Variants in OPCML observed in about 807,000 individuals in gnomAD.
The protein encoded by OPCML is opioid binding protein/cell adhesion molecule like.
Under a neutral mutation model 37.8 loss-of-function variants are expected in OPCML, and 13 were observed. That is an observed-to-expected ratio of 0.34 (90% CI 0.22 to 0.55). The LOEUF is 0.55. Among genes scored for constraint, OPCML ranks in the 20% least tolerant of loss-of-function variants. The probability of loss-of-function intolerance (pLI) is 0.91; values close to 1 mark genes in which losing one functional copy is unlikely to be tolerated. For synonymous variants in OPCML, 176 were observed against 168.8 expected (o/e 1.04, Z -0.33); for missense variants, 341 against 435.6 (o/e 0.78, Z 1.93).
intron 1 of OPCML, among the ~76,000 whole-genome samples, chr11:133,060,517 A>G (rs889982837): frequency 2.6e-5 from 4 of 152,190 alleles, no homozygotes; most frequent in Admixed American, 6.5e-5. Context: ...CTCAGGACAA[A>G]GTCACCCCTA....
In OPCML at chr11:132,879,424, CTG is replaced by C. The variant is rs776554229; in HGVS notation, c.146+63500_146+63501del. On this transcript the variant is annotated intron_variant, in intron 2 of 7. Coordinates refer to ENST00000524381, the MANE Select transcript of OPCML (RefSeq NM_001012393.5). Reference sequence around the variant, plus strand: ...GGTAGTCAAAGAGTTATGAAAGTTTCTGTGTGTTTCAAAAATAAGATGAGGTG... The same window carrying C: ...GGTAGTCAAAGAGTTATGAAAGTTTCTGTGTTTCAAAAATAAGATGAGGTG... Among the ~76,000 whole-genome samples, 3 of 152,240 alleles carry C rather than the reference CTG, an allele frequency of 2.0e-5. No individual in the cohort carries two copies. The East Asian group carries it at 5.8e-4, about 29-fold the overall frequency.
intron 1 of OPCML, among the ~76,000 whole-genome samples, chr11:133,239,469 GA>G (rs1247878164): frequency 6.6e-6 from 1 of 152,342 alleles, no homozygotes; most frequent in African/African-American, 2.4e-5. Context: ...TGCAAAAATA[GA>G]AAGGGGCCTT....
At chr11:132,771,033 G>A (rs1407143877) in intron 2 of OPCML, among the ~76,000 whole-genome samples, 6 of 152,118 alleles carry the variant, frequency 3.9e-5, no homozygotes, top group African/African-American at 1.2e-4. Flanking sequence ...AGTCCTGATC[G>A]CAGGGTAGTT....
intron 2 of OPCML, among the ~76,000 whole-genome samples, chr11:132,814,224 T>C (rs1939504522): frequency 6.6e-6 from 1 of 152,198 alleles, no homozygotes; most frequent in South Asian, 2.1e-4. Flanking sequence ...TTGTCTGCTG[T>C]TTCAGTCAAG....
At chr11:133,112,311 G>A (rs476369) in intron 1 of OPCML, among the ~76,000 whole-genome samples, 37,095 of 77,688 alleles carry the variant, frequency 0.48, 6,735 homozygotes, top group Non-Finnish European at 0.5. Context: ...AAAAAAAAAA[G>A]GGGAAAGAAA....
At chr11:132,643,964 A>G (rs1024612022) in intron 3 of OPCML, among the ~76,000 whole-genome samples, 1 of 152,232 alleles carries the variant, frequency 6.6e-6, no homozygotes, top group Non-Finnish European at 1.5e-5. Flanking sequence ...TGGAAATGAC[A>G]AACACTCCTC....
chr11:132,790,413 A>T (rs1591614229), intron 2 of OPCML, among the ~76,000 whole-genome samples: 1 of 152,250 alleles, frequency 6.6e-6, no homozygotes, highest in East Asian at 1.9e-4. Context: ...AGAAATTTTA[A>T]ATACTCTCAT....
chr11:132,444,955 G>C (rs922892722), intron 4 of OPCML, among the ~76,000 whole-genome samples: 1 of 152,202 alleles, frequency 6.6e-6, no homozygotes, highest in Non-Finnish European at 1.5e-5. Flanking sequence ...CAATTGAATT[G>C]TGCTAAAGTC....
chr11:132,547,258 A>G (rs2096370806), intron 3 of OPCML, among the ~76,000 whole-genome samples: 1 of 152,202 alleles, frequency 6.6e-6, no homozygotes, highest in South Asian at 2.1e-4. Flanking sequence ...GCCATAAGTC[A>G]AGGCAGAAAA....
At chr11:132,876,858 G>A (rs1362064559) in intron 2 of OPCML, among the ~76,000 whole-genome samples, 1 of 152,202 alleles carries the variant, frequency 6.6e-6, no homozygotes, top group Non-Finnish European at 1.5e-5. Flanking sequence ...GGTAAAGGAT[G>A]TGGTTTTTGC....
chr11:132,788,106 C>CT (rs1439367160), intron 2 of OPCML, among the ~76,000 whole-genome samples: 1 of 152,156 alleles, frequency 6.6e-6, no homozygotes. Flanking sequence ...ATCTCGATCT[C>CT]TTGACCTCGT....
chr11:132,838,110 G>A (rs191972467), intron 2 of OPCML, among the ~76,000 whole-genome samples: 1 of 152,196 alleles, frequency 6.6e-6, no homozygotes, highest in East Asian at 1.9e-4. Flanking sequence ...GTTCACTCTG[G>A]TATTTTCATG....
chr11:132,659,154 G>A (rs564382787), intron 2 of OPCML, among the ~76,000 whole-genome samples: 3 of 152,238 alleles, frequency 2.0e-5, no homozygotes, highest in East Asian at 1.9e-4. Context: ...CCTCCACATC[G>A]TGAGGCATCT....
intron 1 of OPCML, among the ~76,000 whole-genome samples, chr11:133,496,880 G>T (rs903073656): frequency 6.6e-6 from 1 of 152,100 alleles, no homozygotes; most frequent in African/African-American, 2.4e-5. Context: ...TACCAATTTG[G>T]ATGGCCTTTA....
chr11:133,018,351 T>C (rs778672357), intron 1 of OPCML, among the ~76,000 whole-genome samples: 4 of 152,152 alleles, frequency 2.6e-5, no homozygotes, highest in Non-Finnish European at 4.4e-5. Flanking sequence ...GTGTGCATAT[T>C]CTTTCTCCTC....
chr11:132,704,675 G>A (rs1393459711), intron 2 of OPCML, among the ~76,000 whole-genome samples: 1 of 152,212 alleles, frequency 6.6e-6, no homozygotes, highest in Non-Finnish European at 1.5e-5. Flanking sequence ...GTGAAATGTA[G>A]AATAAGTTTG....
rs78251430 is a variant in OPCML at position 132,550,852 on chromosome 11, A to G, written c.380-21666T>C. ...CCATAATATGTGCATGCCAGGAAAC[A>G]TTTGAACAGGACCATGATGTCCCCT... is the stretch of plus-strand genomic sequence containing the variant. On this transcript the variant is annotated intron_variant, in intron 3 of 7. Coordinates refer to ENST00000524381, the MANE Select transcript of OPCML (RefSeq NM_001012393.5). Among the ~76,000 whole-genome samples, 1,143 of 152,330 alleles carry G rather than the reference A, an allele frequency of 7.5e-3. 20 individuals are homozygous for G. Among genetic ancestry groups the G allele is most frequent in the African/African-American group, 0.025 (1,031 of 41,578 alleles).
intron 1 of OPCML, chr11:133,025,197 A>G: frequency 1.0e-5 from 6 of 588,146 alleles, no homozygotes; most frequent in South Asian, 1.5e-4. Flanking sequence ...ATATGGGGTG[A>G]CTTATTCTAT....
chr11:133,439,758 A>C (rs113253154), intron 1 of OPCML, among the ~76,000 whole-genome samples: 2,870 of 152,108 alleles, frequency 0.019, 92 homozygotes, highest in African/African-American at 0.062. Context: ...TGAGCCACCG[A>C]GCCCGGCCCA....
Sources: gnomAD v4.1 joint callset for allele counts (sites outside exome capture counted in the v4.1 genomes callset) on GRCh38, gnomAD v4.1.1 for gene constraint, MANE v1.5 for transcripts, NCBI Gene and HGNC (gene_info 2026-07-23, HGNC 2026-07-21) for gene names.